Variants in UST observed in about 807,000 individuals in gnomAD.
UST encodes uronyl 2-sulfotransferase, also known as chondroitin sulfate 2-O-sulfotransferase.
In UST, 21 loss-of-function variants were observed where a neutral mutation model predicts 45.6. The ratio of observed to expected loss-of-function variants is 0.46; its 90% CI spans 0.33 to 0.66. UST has a LOEUF of 0.66. Among genes scored for constraint, UST ranks in the 30% least tolerant of loss-of-function variants. The pLI, the probability that UST is intolerant of heterozygous loss-of-function variation, is 0.02. For missense variants in UST, 463 were observed against 512.4 expected, an observed-to-expected ratio of 0.90 and a Z score of 0.93; for synonymous variants, 215 against 200.6, an observed-to-expected ratio of 1.07 and a Z score of -0.61.
chr6:148,775,777 G>A (rs1720796338), intron 1 of UST, among the ~76,000 whole-genome samples: 2 of 152,048 alleles, frequency 1.3e-5, no homozygotes, highest in Admixed American at 6.5e-5. Context: ...ACAGGCACAC[G>A]CCTCCATGCC....
intron 7 of UST, among the ~76,000 whole-genome samples, chr6:149,051,717 A>G (rs1776490892): frequency 6.6e-6 from 1 of 152,144 alleles, no homozygotes; most frequent in Non-Finnish European, 1.5e-5. Flanking sequence ...CTTTGCCCTA[A>G]ACCATCCAGC....
chr6:149,003,214 G>A (rs1304729792), intron 5 of UST, among the ~76,000 whole-genome samples: 1 of 152,124 alleles, frequency 6.6e-6, no homozygotes, highest in African/African-American at 2.4e-5. Context: ...TATTAGAATA[G>A]TATGGTTGAA....
rs1301705197 is a variant in UST, at chr6:148,868,492, A to AT, written c.248-18491dup. 2.6e-5 allele frequency among the ~76,000 whole-genome samples: 4 copies of AT among 152,196 alleles called. No homozygotes were observed. In the East Asian group the frequency reaches 7.7e-4, roughly 29 times the overall value. Reference sequence around the variant, plus strand: ...CTTCGTCTTTGAAAAGACCGTGAATATTTCTAGATTTATGAGCAATTCAAA... The same window carrying AT: ...CTTCGTCTTTGAAAAGACCGTGAATATTTTCTAGATTTATGAGCAATTCAAA... On this transcript the variant is annotated intron_variant, in intron 1 of 7. Coordinates refer to ENST00000367463, the MANE Select transcript of UST (RefSeq NM_005715.3).
Position 149,019,243 on chromosome 6 carries a change from G to A in UST, c.779+7G>A. The A allele has an allele frequency of 6.2e-7, 1 of 1,609,068 alleles. No homozygotes were observed. The highest frequency in any genetic ancestry group is 1.1e-5 in the South Asian group (1 of 90,968). On this transcript the variant is annotated splice_region_variant and intron_variant, in intron 6 of 7. Transcript: ENST00000367463. ...GACAGCATCCCAGATGCAGGTAAGG[G>A]CTAAAGCAGGGTCATGGCATGCACG...
At chr6:148,770,145 AG>A (rs1027344182) in intron 1 of UST, among the ~76,000 whole-genome samples, 2 of 151,996 alleles carry the variant, frequency 1.3e-5, no homozygotes, top group Non-Finnish European at 2.9e-5. Context: ...CTGCTAGTCT[AG>A]CCTCTGATAC....
intron 1 of UST, among the ~76,000 whole-genome samples, chr6:148,828,702 A>G (rs1777620716): frequency 6.6e-6 from 1 of 152,232 alleles, no homozygotes; most frequent in South Asian, 2.1e-4. Context: ...ATTTGCAATG[A>G]TGATGATGAT....
intron 1 of UST, among the ~76,000 whole-genome samples, chr6:148,865,231 G>A (rs898411183): frequency 2.6e-5 from 4 of 152,272 alleles, no homozygotes; most frequent in East Asian, 1.9e-4. Context: ...CTTTCCTGGC[G>A]TGTTGGTCAT....
chr6:148,800,654 C>CA (rs558265287), intron 1 of UST, among the ~76,000 whole-genome samples: 82 of 147,616 alleles, frequency 5.6e-4, no homozygotes, highest in African/African-American at 1.0e-3. Context: ...GAGGGATTGC[C>CA]AAAAAAAAAG....
intron 7 of UST, among the ~76,000 whole-genome samples, chr6:149,066,662 G>A (rs73599945): frequency 0.038 from 5,824 of 152,170 alleles, 370 homozygotes; most frequent in African/African-American, 0.13. Context: ...TGAAATACAC[G>A]AGACAATCTG....
chr6:148,845,352 T>A (rs1357676025), intron 1 of UST, among the ~76,000 whole-genome samples: 2 of 152,240 alleles, frequency 1.3e-5, no homozygotes, highest in Non-Finnish European at 2.9e-5. Context: ...TGTATTCTTT[T>A]TTCTCTTTCA....
chr6:148,900,833 G>A lies in UST; in HGVS notation c.291+13804G>A, dbSNP rs563422630. ...CAAATTGAAGAGTCAGCAGAGATGCGTTCCTTCTGGAAGCTCTGGGGCAAA... is the reference window on the plus strand; with the variant it reads ...CAAATTGAAGAGTCAGCAGAGATGCATTCCTTCTGGAAGCTCTGGGGCAAA... On this transcript the variant is annotated intron_variant, in intron 2 of 7. Transcript: ENST00000367463. 5.3e-5 allele frequency among the ~76,000 whole-genome samples: 8 copies of A among 152,284 alleles called. 1 individual carries two copies. Among genetic ancestry groups the A allele is most frequent in the South Asian group, 4.2e-4 (2 of 4,818 alleles).
At chr6:148,858,441 T>C (rs1184100900) in intron 1 of UST, among the ~76,000 whole-genome samples, 1 of 151,538 alleles carries the variant, frequency 6.6e-6, no homozygotes, top group African/African-American at 2.4e-5. Context: ...TCCAGTCCAC[T>C]GACTCAAATG....
intron 1 of UST, among the ~76,000 whole-genome samples, chr6:148,813,283 C>G (rs983599688): frequency 6.6e-6 from 1 of 152,142 alleles, no homozygotes; most frequent in African/African-American, 2.4e-5. Context: ...CTCCCAGAAC[C>G]CTTTTTTTCT....
At chr6:149,031,032 C>T (rs1472869521) in intron 7 of UST, among the ~76,000 whole-genome samples, 1 of 151,952 alleles carries the variant, frequency 6.6e-6, no homozygotes, top group Non-Finnish European at 1.5e-5. Flanking sequence ...CATGGTGAAA[C>T]CCCATCTCTA....
rs578125431 is a variant in UST, at chr6:148,908,583, G to A, written c.291+21554G>A. ...TTCTTTGCCATTTAATTGTAATACA[G>A]GGCTTCTATATTTTGAATGTGTGTT... On this transcript the variant is annotated intron_variant, in intron 2 of 7. Coordinates refer to ENST00000367463, the MANE Select transcript of UST (RefSeq NM_005715.3). 2.0e-3 allele frequency among the ~76,000 whole-genome samples: 306 copies of A among 152,104 alleles called. 1 individual carries two copies. Among genetic ancestry groups the A allele is most frequent in the African/African-American group, 6.7e-3 (280 of 41,508 alleles).
chr6:148,833,303 C>T (rs1777725318), intron 1 of UST, among the ~76,000 whole-genome samples: 1 of 152,082 alleles, frequency 6.6e-6, no homozygotes, highest in Non-Finnish European at 1.5e-5. Flanking sequence ...GCCTGGGCAA[C>T]ACGGCGAAAT....
intron 1 of UST, among the ~76,000 whole-genome samples, chr6:148,817,442 C>T (rs1418757806): frequency 6.6e-6 from 1 of 152,128 alleles, no homozygotes; most frequent in Non-Finnish European, 1.5e-5. Flanking sequence ...AGAACACGTG[C>T]CCAAGGTGGT....
chr6:148,905,427 C>A (rs1359367173), intron 2 of UST, among the ~76,000 whole-genome samples: 1 of 152,208 alleles, frequency 6.6e-6, no homozygotes, highest in East Asian at 1.9e-4. Context: ...TTCCTCCACT[C>A]CATGGAAACA....
chr6:149,046,914 T>C (rs1259169665), intron 7 of UST, among the ~76,000 whole-genome samples: 1 of 152,254 alleles, frequency 6.6e-6, no homozygotes. Flanking sequence ...TCAGCTTTTC[T>C]GGTGGCAGTA....
Sources: allele counts gnomAD v4.1 joint callset (sites outside exome capture counted in the v4.1 genomes callset), GRCh38; gene constraint gnomAD v4.1.1; transcripts MANE v1.5; gene names NCBI Gene and HGNC (gene_info 2026-07-23, HGNC 2026-07-21).